The following DDX31 variants were observed in gnomAD, a reference collection of about 807,000 sequenced individuals.
DDX31 encodes the protein DEAD-box helicase 31.
Under a neutral mutation model 91.3 loss-of-function variants are expected in DDX31, and 70 were observed. The observed-to-expected ratio is 0.77, with a 90% CI of 0.63 to 0.94. DDX31 has a LOEUF of 0.94. DDX31 is among the 40% of genes least tolerant of loss of function. The probability of loss-of-function intolerance (pLI) is 0.00; values close to 1 mark genes in which losing one functional copy is unlikely to be tolerated. For synonymous variants in DDX31, 362 were observed against 350.6 expected (o/e 1.03, Z -0.36); for missense variants, 902 against 925.0 (o/e 0.98, Z 0.32).
chr9:132,648,584 A>C (rs1833985518), intron 9 of DDX31, 33 bp from the exon 10 acceptor site: 2 of 1,588,646 alleles, frequency 1.3e-6, no homozygotes, highest in East Asian at 4.5e-5. Context: ...AAAGAAAGTA[A>C]ATCAAACAGG....
At chr9:132,618,279 G>C (rs1351362738) in intron 18 of DDX31, 51 bp downstream of exon 18, 2 of 1,495,102 alleles carry the variant, frequency 1.3e-6, no homozygotes, top group Admixed American at 1.9e-5. Context: ...AGGTGGGGGA[G>C]AGCACTCTGC....
intron 7 of DDX31, 56 bp from the exon 8 acceptor site, chr9:132,651,172 T>C (rs908609552): frequency 1.5e-6 from 2 of 1,328,578 alleles, no homozygotes; most frequent in Non-Finnish European, 2.1e-6. Context: ...TTTTTTTTTT[T>C]AAAGACAATT....
At chr9:132,603,651 G>A (rs78657171) in intron 19 of DDX31, among the ~76,000 whole-genome samples, 1 of 152,342 alleles carries the variant, frequency 6.6e-6, no homozygotes, top group East Asian at 1.9e-4. Flanking sequence ...GCACACGGCC[G>A]CATCTGGACC....
intron 13 of DDX31, 72 bp from the exon 14 acceptor site, chr9:132,642,135 T>C: frequency 1.5e-6 from 2 of 1,361,458 alleles, no homozygotes; most frequent in Non-Finnish European, 2.1e-6. Context: ...TACATCTCCC[T>C]AGCTCTCTCC....
In DDX31 at chr9:132,625,642, C is replaced by T. The variant is rs757777020; in HGVS notation, c.1713+22G>A. The T allele has an allele frequency of 3.8e-6, 6 of 1,599,072 alleles. No individual in the cohort carries two copies. The Middle Eastern group carries it at 5.0e-4, about 132-fold the overall frequency. ...GTGAGTCACATCTGTTGGCAGCGAGCACAATAAATAACAAAACTCACCTGG... is the reference window on the plus strand; with the variant it reads ...GTGAGTCACATCTGTTGGCAGCGAGTACAATAAATAACAAAACTCACCTGG... On this transcript the variant is annotated intron_variant, in intron 17 of 19. Coordinates refer to ENST00000372159, the MANE Select transcript of DDX31 (RefSeq NM_022779.9).
chr9:132,612,325 A>G (rs1319805808), intron 18 of DDX31, 70 bp from the exon 19 acceptor site: 1 of 1,572,670 alleles, frequency 6.4e-7, no homozygotes, highest in African/African-American at 1.3e-5. Flanking sequence ...TGCCCGGCCT[A>G]ATGGTTATCT....
chr9:132,617,841 T>G (rs1350170325), intron 18 of DDX31, among the ~76,000 whole-genome samples: 2 of 152,346 alleles, frequency 1.3e-5, no homozygotes, highest in African/African-American at 4.8e-5. Context: ...CTCTCTTTCA[T>G]AAATTTCCTA....
In DDX31 at chr9:132,637,110, T is replaced by C. The variant is rs370709287; in HGVS notation, c.1440+4894A>G. Among the ~76,000 whole-genome samples, 111 of 152,280 alleles carry C rather than the reference T, an allele frequency of 7.3e-4. 1 individual carries two copies. In the South Asian group the frequency reaches 0.018, roughly 25 times the overall value. On this transcript the variant is annotated intron_variant, in intron 14 of 19. Coordinates refer to ENST00000372159, the MANE Select transcript of DDX31 (RefSeq NM_022779.9). ...GGCAGAGAAGTGATTTCAATGTCTC[T>C]GTACTCTCCTCTTCCATCATATCTC...
chr9:132,668,456 A>G (rs971244372), intron 1 of DDX31, among the ~76,000 whole-genome samples: 1 of 152,214 alleles, frequency 6.6e-6, no homozygotes, highest in Non-Finnish European at 1.5e-5. Context: ...CAAAAGAGTT[A>G]AACTCAAAAA....
Position 132,657,471 on chromosome 9 carries a change from A to T in DDX31, c.588+1200T>A, listed in dbSNP as rs372625621. Among the ~76,000 whole-genome samples, 83 of 152,344 alleles carry T rather than the reference A, an allele frequency of 5.4e-4. No homozygotes were observed. In the South Asian group the frequency reaches 0.016, roughly 30 times the overall value. On this transcript the variant is annotated intron_variant, in intron 6 of 19. Coordinates refer to ENST00000372159, the MANE Select transcript of DDX31 (RefSeq NM_022779.9). ...TATCATTTGTATATTTATTTATTAGAGTTCTACATAAAGAAGAATTCTACC... is the reference window on the plus strand; with the variant it reads ...TATCATTTGTATATTTATTTATTAGTGTTCTACATAAAGAAGAATTCTACC...
At chr9:132,637,416 A>T (rs755340782) in intron 14 of DDX31, among the ~76,000 whole-genome samples, 2 of 152,228 alleles carry the variant, frequency 1.3e-5, no homozygotes, top group Non-Finnish European at 2.9e-5. Flanking sequence ...CCTCCATGAG[A>T]CCTAGGAGTA....
chr9:132,669,363 G>C (rs1372392799), intron 1 of DDX31, among the ~76,000 whole-genome samples: 1 of 150,058 alleles, frequency 6.7e-6, no homozygotes, highest in Non-Finnish European at 1.5e-5. Flanking sequence ...TTAGGCCAGA[G>C]CCAGTTTGGA....
chr9:132,624,011 G>A (rs547582945), intron 17 of DDX31, among the ~76,000 whole-genome samples: 1 of 151,318 alleles, frequency 6.6e-6, no homozygotes, highest in Admixed American at 6.6e-5. Flanking sequence ...CTAAAAATAC[G>A]AAAAAATTAG....
At chr9:132,627,711 G>T (rs1052685512) in intron 16 of DDX31, among the ~76,000 whole-genome samples, 1 of 152,208 alleles carries the variant, frequency 6.6e-6, no homozygotes, top group Admixed American at 6.5e-5. Flanking sequence ...AATGGCCCAG[G>T]AACCTGTCTC....
At chr9:132,639,022 C>T (rs116027489) in intron 14 of DDX31, among the ~76,000 whole-genome samples, 141 of 152,306 alleles carry the variant, frequency 9.3e-4, no homozygotes, top group African/African-American at 2.7e-3. Flanking sequence ...CCATCTGTCT[C>T]GTCCTGAAGT....
At chr9:132,621,621 G>A (rs2119403042) in intron 17 of DDX31, among the ~76,000 whole-genome samples, 1 of 152,308 alleles carries the variant, frequency 6.6e-6, no homozygotes, top group Middle Eastern at 3.4e-3. Context: ...GAAAGGCCTA[G>A]CTACTGAACC....
intron 17 of DDX31, 48 bp from the exon 18 acceptor site, chr9:132,618,489 G>T: frequency 6.6e-7 from 1 of 1,509,148 alleles, no homozygotes; most frequent in Non-Finnish European, 9.1e-7. Flanking sequence ...TCAAGGTCAG[G>T]AATAATGAAG....
intron 16 of DDX31, among the ~76,000 whole-genome samples, chr9:132,627,871 G>A (rs932879702): frequency 2.0e-5 from 3 of 152,134 alleles, no homozygotes; most frequent in Non-Finnish European, 2.9e-5. Flanking sequence ...CCCTCCCAAC[G>A]CCCCTCTGCC....
At chr9:132,658,772 A>G in intron 5 of DDX31, 37 bp from the exon 6 acceptor site, 1 of 1,588,710 alleles carries the variant, frequency 6.3e-7, no homozygotes, top group Non-Finnish European at 8.6e-7. Context: ...AAAATCACAC[A>G]CCCTACAGAT....
Sources: allele counts gnomAD v4.1 joint callset (sites outside exome capture counted in the v4.1 genomes callset), GRCh38; gene constraint gnomAD v4.1.1; transcripts MANE v1.5; gene names NCBI Gene and HGNC (gene_info 2026-07-23, HGNC 2026-07-21).